Variants in EEF2K observed in about 807,000 individuals in gnomAD.
The protein encoded by EEF2K is alternative protein EEF2K.
A neutral mutation model predicts 93.8 loss-of-function variants in EEF2K; 70 were observed. That is an observed-to-expected ratio of 0.75 (90% CI 0.62 to 0.91). EEF2K has a LOEUF of 0.91. Among genes scored for constraint, EEF2K ranks in the 40% least tolerant of loss-of-function variants. EEF2K has a pLI of 0.00. For synonymous variants in EEF2K, 376 were observed against 380.8 expected (o/e 0.99, Z 0.15); for missense variants, 935 against 972.9 (o/e 0.96, Z 0.52).
chr16:22,264,392 C>A (rs1251202440), intron 12 of EEF2K, among the ~76,000 whole-genome samples: 1 of 151,072 alleles, frequency 6.6e-6, no homozygotes, highest in Non-Finnish European at 1.5e-5. Flanking sequence ...ATTGCTTGAA[C>A]CTGGGGAGTT....
chr16:22,281,378 T>C (rs1297613736), intron 17 of EEF2K, among the ~76,000 whole-genome samples: 6 of 152,172 alleles, frequency 3.9e-5, no homozygotes, highest in Non-Finnish European at 1.5e-5. Flanking sequence ...CAGCTGGGAC[T>C]ACAGGCACTT....
intron 16 of EEF2K, among the ~76,000 whole-genome samples, chr16:22,275,254 T>C (rs1367458798): frequency 6.6e-6 from 1 of 152,164 alleles, no homozygotes; most frequent in Non-Finnish European, 1.5e-5. Flanking sequence ...TTTATTGACT[T>C]GTAAAAGTTC....
chr16:22,234,899 T>A (rs186725051), intron 2 of EEF2K, among the ~76,000 whole-genome samples: 1,972 of 145,460 alleles, frequency 0.014, 12 homozygotes, highest in Non-Finnish European at 0.023. Flanking sequence ...TTTTTTTTTT[T>A]AGGGGCGGTT....
chr16:22,239,752 G>A (rs35469456), intron 2 of EEF2K, among the ~76,000 whole-genome samples: 4,753 of 152,108 alleles, frequency 0.031, 119 homozygotes, highest in South Asian at 0.086. Flanking sequence ...TTGAGGCTGC[G>A]GTGAGCTGTG....
chr16:22,234,788 C>G (rs1245528832), intron 2 of EEF2K, among the ~76,000 whole-genome samples: 1 of 151,596 alleles, frequency 6.6e-6, no homozygotes, highest in Non-Finnish European at 1.5e-5. Flanking sequence ...TCTGGACTTG[C>G]CTTTTCTGGA....
chr16:22,246,314 G>T (rs911114678), intron 3 of EEF2K, among the ~76,000 whole-genome samples: 1 of 151,974 alleles, frequency 6.6e-6, no homozygotes, highest in Non-Finnish European at 1.5e-5. Flanking sequence ...TTGAGGTCAG[G>T]AGTTCGAGAC....
chr16:22,266,963 C>T, intron 15 of EEF2K, 87 bp downstream of exon 15: 1 of 1,458,906 alleles, frequency 6.9e-7, no homozygotes, highest in Non-Finnish European at 9.2e-7. Context: ...GGAAGTCATG[C>T]ATTCACCTGC....
In EEF2K at chr16:22,244,566, C is replaced by T. The variant is rs1050350546; in HGVS notation, c.247-64C>T. On this transcript the variant is annotated intron_variant, in intron 2 of 17. Transcript: ENST00000263026. ...AGGAAATAACAGGGCAGGAGGAGTC[C>T]ACGCTGTCCCCAAAGCCCCTGACCT... 15 of 1,513,762 alleles carry T rather than the reference C, an allele frequency of 9.9e-6. No homozygotes were observed. The Admixed American group carries it at 2.5e-4, about 25-fold the overall frequency. The allele number at this position is 1,513,762 out of a possible 1,614,324, so 93.8% of individuals were successfully genotyped here. A position where few individuals can be genotyped will look rare whatever the true frequency, so the allele number is the denominator to read the frequency against.
chr16:22,256,258 T>C (rs1334412877), intron 6 of EEF2K, among the ~76,000 whole-genome samples: 1 of 151,658 alleles, frequency 6.6e-6, no homozygotes, highest in Non-Finnish European at 1.5e-5. Context: ...CCACCATGCC[T>C]GGCTAATTTT....
At chr16:22,280,504 T>C (rs1263966533) in intron 17 of EEF2K, 128 bp downstream of exon 17, 5 of 1,099,778 alleles carry the variant, frequency 4.5e-6, no homozygotes, top group Non-Finnish European at 1.2e-6. Flanking sequence ...GGGGAATTTA[T>C]GGAGCTAGTA....
Position 22,273,654 on chromosome 16 carries a change from T to G in EEF2K, c.1793T>G (p.Phe598Cys), listed in dbSNP as rs199875946. The stretch of plus-strand genomic sequence containing the variant: ...ACAGAAGAGAACAAAACCAAAGGAT[T>G]TGATTACTTACTAAAGGCCGCTGAA... ...KETEENKTKG[F>C]DYLLKAAEAG... Residue 598 changes from phenylalanine to cysteine, a missense_variant, in exon 16 of 18, where the codon TTT (phenylalanine) becomes TGT (cysteine). Physicochemically the swap from Phe to Cys is radical, Grantham distance 205 (BLOSUM62 -2). Transcript: ENST00000263026. 5.3e-4 allele frequency: 856 copies of G among 1,614,162 alleles called. 1 individual carries two copies. The highest frequency in any genetic ancestry group is 1.3e-3 in the South Asian group (114 of 91,082).
chr16:22,253,408 G>A (rs983371108), intron 6 of EEF2K, among the ~76,000 whole-genome samples: 8 of 152,144 alleles, frequency 5.3e-5, no homozygotes, highest in Non-Finnish European at 1.2e-4. Context: ...CACCCTGGGG[G>A]GCTGTGGCTT....
intron 16 of EEF2K, among the ~76,000 whole-genome samples, chr16:22,276,264 CA>C (rs957856036): frequency 1.3e-5 from 2 of 151,996 alleles, no homozygotes; most frequent in Admixed American, 1.3e-4. Flanking sequence ...TTTTAAAAGA[CA>C]TTTTTTTTTT....
chr16:22,278,326 C>T (rs1432798429), intron 16 of EEF2K, among the ~76,000 whole-genome samples: 1 of 152,216 alleles, frequency 6.6e-6, no homozygotes, highest in Non-Finnish European at 1.5e-5. Flanking sequence ...CCAATCACCT[C>T]TCAAAGATCC....
Position 22,266,666 on chromosome 16 carries a change from GAC to G in EEF2K, c.1576-19_1576-18del. On this transcript the variant is annotated intron_variant, in intron 14 of 17. Transcript: ENST00000263026. ...CTTTGGCCCGCCAGACAGCCAGGCC[GAC>G]ACCGTAGTCTGTGTGGCAGGTCCAT... 1 of 1,593,628 alleles carries G rather than the reference GAC, an allele frequency of 6.3e-7. No homozygotes were observed.
intron 10 of EEF2K, among the ~76,000 whole-genome samples, chr16:22,259,034 A>G (rs545667343): frequency 1.3e-5 from 2 of 152,358 alleles, no homozygotes; most frequent in Admixed American, 6.5e-5. Flanking sequence ...AAAAAATCTA[A>G]ATAGATATTA....
chr16:22,278,213 A>G (rs1386174149), intron 16 of EEF2K, among the ~76,000 whole-genome samples: 1 of 152,116 alleles, frequency 6.6e-6, no homozygotes, highest in East Asian at 1.9e-4. Context: ...TCTCAAGAAA[A>G]GAAAAAAGAG....
chr16:22,210,672 A>C (rs1304592586), intron 1 of EEF2K, among the ~76,000 whole-genome samples: 2 of 152,186 alleles, frequency 1.3e-5, no homozygotes, highest in Non-Finnish European at 2.9e-5. Flanking sequence ...CATCTGTAGA[A>C]TGAAGCTAAG....
intron 2 of EEF2K, among the ~76,000 whole-genome samples, chr16:22,228,636 G>A (rs1234242777): frequency 1.3e-5 from 2 of 152,204 alleles, no homozygotes; most frequent in Non-Finnish European, 2.9e-5. Flanking sequence ...CTTATATGTC[G>A]TTTGAGGAGG....
Sources: gnomAD v4.1 joint callset for allele counts (sites outside exome capture counted in the v4.1 genomes callset) on GRCh38, gnomAD v4.1.1 for gene constraint, MANE v1.5 for transcripts, NCBI Gene and HGNC (gene_info 2026-07-23, HGNC 2026-07-21) for gene names.